The following HACD1 variants were observed in gnomAD, a reference collection of about 807,000 sequenced individuals.
The protein encoded by HACD1 is very-long-chain (3R)-3-hydroxyacyl-CoA dehydratase 1.
A neutral mutation model predicts 32.0 loss-of-function variants in HACD1; 41 were observed. The ratio of observed to expected loss-of-function variants is 1.28; its 90% CI spans 1.00 to 1.66. The LOEUF is 1.66. Ranked by LOEUF, HACD1 falls within the 40% of genes most tolerant of loss-of-function variation. The pLI is 0.00. For synonymous variants in HACD1, 142 were observed against 139.0 expected (o/e 1.02, Z -0.15); for missense variants, 396 against 380.1 (o/e 1.04, Z -0.35).
rs1470285182 is a variant in HACD1, at chr10:17,590,417, G to A, written c.814C>T (p.Arg272Cys). 8 of 1,597,120 alleles carry A rather than the reference G, an allele frequency of 5.0e-6. No homozygotes were observed. The highest frequency in any genetic ancestry group is 3.4e-5 in the Admixed American group (2 of 58,662). The change falls in exon 7 of 7, where the codon CGT becomes TGT. Residue 272 changes from arginine to cysteine, a missense_variant. Transcript: ENST00000361271. ...LFPQLYFHML[R>C]QRRKVLHGEV... is the part of the protein sequence containing the mutation. The stretch of plus-strand genomic sequence containing the variant: ...CCATGAAGCACCTTTCTTCTTTGAC[G>A]TAACATATGAAAATAGAGTTGTGGA...
intron 4 of HACD1, 26 bp from the exon 5 acceptor site, chr10:17,599,437 G>A (rs923401187): frequency 1.2e-5 from 20 of 1,606,786 alleles, no homozygotes; most frequent in African/African-American, 4.0e-5. Flanking sequence ...GAAACCCAGT[G>A]TCATTCAACC....
At chr10:17,594,128 C>A in intron 6 of HACD1, 77 bp downstream of exon 6, 1 of 1,169,910 alleles carries the variant, frequency 8.5e-7, no homozygotes. Flanking sequence ...TAATTATTTC[C>A]CCTTGCATAT....
intron 6 of HACD1, among the ~76,000 whole-genome samples, chr10:17,592,260 G>C (rs1312359248): frequency 1.3e-5 from 2 of 151,902 alleles, no homozygotes; most frequent in Non-Finnish European, 2.9e-5. Flanking sequence ...GCGATTACAG[G>C]TGTGAGCCAC....
At chr10:17,596,315 A>G (rs1833994729) in intron 5 of HACD1, among the ~76,000 whole-genome samples, 1 of 151,120 alleles carries the variant, frequency 6.6e-6, no homozygotes, top group South Asian at 2.1e-4. Flanking sequence ...CCTTGGAGAA[A>G]CTCCCTGCTT....
At position 17,604,819 on chromosome 10, in the gene HACD1, T is replaced by C. The variant is rs547202426; in HGVS notation, c.258-772A>G. ...GTCCAGGGCTCAAGCGATCCTCCCA[T>C]CTCAGCCTTCCCCATAGCTGGGTCT... On this transcript the variant is annotated intron_variant, in intron 1 of 6. Coordinates refer to ENST00000361271, the MANE Select transcript of HACD1 (RefSeq NM_014241.4). 5.3e-5 allele frequency among the ~76,000 whole-genome samples: 8 copies of C among 152,250 alleles called. No homozygotes were observed. The East Asian group carries it at 1.2e-3, about 22-fold the overall frequency.
chr10:17,590,001 A>T lies in HACD1; in HGVS notation c.*363T>A, dbSNP rs1243577978. ...TTATTTTCATTTATAAATATCACAT[A>T]AATATCACTAGCAGGTATAATAGTA... On this transcript the variant is annotated 3_prime_UTR_variant, in exon 7 of 7. Transcript: ENST00000361271. 1 of 154,736 alleles carries T rather than the reference A, an allele frequency of 6.5e-6. No individual in the cohort carries two copies. The highest frequency in any genetic ancestry group is 1.4e-5 in the Non-Finnish European group (1 of 69,774). The allele number at this position is 154,736 out of a possible 1,614,324, so 9.6% of individuals were successfully genotyped here. A position where few individuals can be genotyped will look rare whatever the true frequency, so the allele number is the denominator to read the frequency against.
At position 17,598,251 on chromosome 10, in the gene HACD1, C is replaced by A. The variant is rs1179866464; in HGVS notation, c.605+1039G>T. 1.0e-4 allele frequency among the ~76,000 whole-genome samples: 12 copies of A among 119,542 alleles called. No individual in the cohort carries two copies. In the East Asian group the frequency reaches 1.5e-3, roughly 15 times the overall value. 78.4% of individuals were successfully genotyped at this position (119,542 alleles called of 152,430 possible). ...CTCCAGCCTGGGTGACAGAATGAGACCCTGTCTCAAAAAAAAAAAAAAAAA... is the reference window on the plus strand; with the variant it reads ...CTCCAGCCTGGGTGACAGAATGAGAACCTGTCTCAAAAAAAAAAAAAAAAA... On this transcript the variant is annotated intron_variant, in intron 5 of 6. Coordinates refer to ENST00000361271, the MANE Select transcript of HACD1 (RefSeq NM_014241.4).
At chr10:17,613,256 T>C (rs1299159443) in intron 1 of HACD1, among the ~76,000 whole-genome samples, 1 of 151,924 alleles carries the variant, frequency 6.6e-6, no homozygotes, top group Non-Finnish European at 1.5e-5. Context: ...TACAGGTGCA[T>C]ACCACTGTTC....
intron 1 of HACD1, among the ~76,000 whole-genome samples, chr10:17,609,210 A>T (rs1241046636): frequency 6.8e-6 from 1 of 146,168 alleles, no homozygotes; most frequent in East Asian, 2.1e-4. Flanking sequence ...GCTGAAGTGC[A>T]GTGGCGCGAT....
Position 17,589,048 on chromosome 10 carries a change from T to A in HACD1, c.*1316A>T, listed in dbSNP as rs1402991586. ...GAAAGTAGGTCTGGTGTATTTTTTT[T>A]ATTAAACACAAGGACAGGAACTTTA... On this transcript the variant is annotated 3_prime_UTR_variant, in exon 7 of 7. Transcript: ENST00000361271. The A allele has an allele frequency of 6.6e-6, 1 of 152,166 alleles. No individual in the cohort carries two copies. The highest frequency in any genetic ancestry group is 1.5e-5 in the Non-Finnish European group (1 of 68,028). 9.4% of individuals were successfully genotyped at this position (152,166 alleles called of 1,614,324 possible). A position where few individuals can be genotyped will look rare whatever the true frequency, so the allele number is the denominator to read the frequency against.
rs76813539 is a variant in HACD1, at chr10:17,599,914, A to G, written c.484-503T>C. ...CAAGTTGTCTTTTAAAAAGAAGTCA[A>G]AGAAGCAAATACATAAAAAACAAAT... is the stretch of plus-strand genomic sequence containing the variant. On this transcript the variant is annotated intron_variant, in intron 4 of 6. Transcript: ENST00000361271. Among the ~76,000 whole-genome samples, 948 of 152,354 alleles carry G rather than the reference A, an allele frequency of 6.2e-3. 13 individuals are homozygous for G. The highest frequency in any genetic ancestry group is 0.022 in the Admixed American group (342 of 15,304).
At chr10:17,612,105 C>CAAAAAAAAAAAAAAAAAAAAAAAAAAA (rs34058469) in intron 1 of HACD1, among the ~76,000 whole-genome samples, 2 of 105,112 alleles carry the variant, frequency 1.9e-5, no homozygotes, top group Non-Finnish European at 3.9e-5. Flanking sequence ...AACTCCATCT[C>CAAAAAAAAAAAAAAAAAAAAAAAAAAA]AAAAAAAAAA....
At chr10:17,615,811 A>T (rs1554817958) in intron 1 of HACD1, 1 of 430,600 alleles carries the variant, frequency 2.3e-6, no homozygotes, top group Non-Finnish European at 4.7e-6. Context: ...TACCAAAAAT[A>T]CAAAAATTAA....
At position 17,603,566 on chromosome 10, in the gene HACD1, T is replaced by C. The variant is rs782784087; in HGVS notation, c.477A>G (p.Ile159Met). The change falls in exon 4 of 7, where the codon ATA (isoleucine) becomes ATG (methionine). Residue 159 changes from isoleucine to methionine, a missense_variant. Ile to Met is a conservative substitution (Grantham distance 10). Coordinates refer to ENST00000361271, the MANE Select transcript of HACD1 (RefSeq NM_014241.4). ...ACATGTTTGTGTCACTTACTGGTTT[T>C]ATACTGTGAGTAATGAGCCACACCA... ...IFMVWLITHSIKPIQNEESVV... is the reference protein window; with the variant it reads ...IFMVWLITHSMKPIQNEESVV... The C allele has an allele frequency of 1.3e-5, 21 of 1,608,710 alleles. No individual in the cohort carries two copies. In the South Asian group the frequency reaches 2.2e-4, roughly 17 times the overall value.
Position 17,604,066 on chromosome 10 carries a change from T to C in HACD1, c.258-19A>G, listed in dbSNP as rs782518164. 1 of 1,463,474 alleles carries C rather than the reference T, an allele frequency of 6.8e-7. No individual in the cohort carries two copies. The highest frequency in any genetic ancestry group is 1.2e-5 in the South Asian group (1 of 80,384). The allele number at this position is 1,463,474 out of a possible 1,614,324, so 90.7% of individuals were successfully genotyped here. ...CAACCACCTAAAAAAAAAAAGTATT[T>C]CATAAAGTTCTTTCGAACTTAATAC... On this transcript the variant is annotated intron_variant, in intron 1 of 6. Transcript: ENST00000361271.
intron 1 of HACD1, among the ~76,000 whole-genome samples, chr10:17,606,935 G>A (rs1834156432): frequency 1.3e-5 from 2 of 152,082 alleles, no homozygotes; most frequent in Non-Finnish European, 2.9e-5. Context: ...CACTACTGAG[G>A]AAATAGGCAG....
In HACD1 at chr10:17,617,179, T is replaced by C. The variant is rs1833103344; in HGVS notation, c.161A>G (p.Glu54Gly). ...GGGAGCCTCCCGGTCCTCGCCGGCC[T>C]CCGAGGCGCCGCCGTTGGTGCCGTC... is the stretch of plus-strand genomic sequence containing the variant. Reference protein sequence around the residue: ...DEDGTNGGASEAGEDREAPGE... With the variant: ...DEDGTNGGASGAGEDREAPGE... Residue 54 changes from glutamate to glycine, a missense_variant, in exon 1 of 7, where the codon GAG (glutamate) becomes GGG (glycine). Transcript: ENST00000361271. 6.6e-7 allele frequency: 1 copy of C among 1,503,830 alleles called. No individual in the cohort carries two copies. The highest frequency in any genetic ancestry group is 2.8e-5 in the East Asian group (1 of 35,944). 93.2% of individuals were successfully genotyped at this position (1,503,830 alleles called of 1,614,324 possible).
At chr10:17,613,113 T>G (rs1434012159) in intron 1 of HACD1, among the ~76,000 whole-genome samples, 10 of 133,220 alleles carry the variant, frequency 7.5e-5, no homozygotes, top group African/African-American at 2.7e-4. Context: ...TGTGTGTGTG[T>G]GTGTGTGTGT....
At chr10:17,607,646 T>C (rs1435836341) in intron 1 of HACD1, among the ~76,000 whole-genome samples, 2 of 152,204 alleles carry the variant, frequency 1.3e-5, no homozygotes, top group South Asian at 2.1e-4. Flanking sequence ...TAAAAATCCA[T>C]GCATCGTTAA....
Sources: gnomAD v4.1 joint callset for allele counts (sites outside exome capture counted in the v4.1 genomes callset) on GRCh38, gnomAD v4.1.1 for gene constraint, MANE v1.5 for transcripts, NCBI Gene and HGNC (gene_info 2026-07-23, HGNC 2026-07-21) for gene names.